FLVCR1: variants seen among roughly 807,000 people sequenced by gnomAD.
FLVCR1 encodes FLVCR choline and heme transporter 1.
Under a neutral mutation model 53.6 loss-of-function variants are expected in FLVCR1, and 34 were observed. The observed-to-expected ratio is 0.63, with a 90% CI of 0.48 to 0.84. FLVCR1 has a LOEUF of 0.84. FLVCR1 is among the 40% of genes least tolerant of loss of function. The probability of loss-of-function intolerance (pLI) is 0.00; values close to 1 mark genes in which losing one functional copy is unlikely to be tolerated. For missense variants in FLVCR1, 677 were observed against 696.7 expected (o/e 0.97, Z 0.32); for synonymous variants, 300 against 286.3 (o/e 1.05, Z -0.48).
chr1:212,882,311 GAAC>G (rs1664952367), intron 3 of FLVCR1, among the ~76,000 whole-genome samples: 1 of 152,076 alleles, frequency 6.6e-6, no homozygotes, highest in African/African-American at 2.4e-5. Context: ...GAAAACTAAT[GAAC>G]TACAACAAAA....
chr1:212,882,272 A>G (rs1433782014), intron 3 of FLVCR1, among the ~76,000 whole-genome samples: 1 of 152,218 alleles, frequency 6.6e-6, no homozygotes, highest in Non-Finnish European at 1.5e-5. Context: ...AAATTGAAGT[A>G]TATTAACATA....
At position 212,896,858 on chromosome 1, in the gene FLVCR1, A is replaced by G. The variant is rs1303944580; in HGVS notation, c.*1568A>G. On this transcript the variant is annotated 3_prime_UTR_variant, in exon 10 of 10. Coordinates refer to ENST00000366971, the MANE Select transcript of FLVCR1 (RefSeq NM_014053.4). ...CATGGTAAAACCCCATCTCTACTAA[A>G]AAAAAAAAAAAAAAAAAAAAAAAAA... 1 of 77,016 alleles carries G rather than the reference A, an allele frequency of 1.3e-5. No homozygotes were observed. The highest frequency in any genetic ancestry group is 8.4e-5 in the African/African-American group (1 of 11,878). The allele number at this position is 77,016 out of a possible 1,614,324, so 4.8% of individuals were successfully genotyped here.
rs34338474 is a variant in FLVCR1, at chr1:212,865,817, CT to C, written c.883+1961del. Among the ~76,000 whole-genome samples the C allele has an allele frequency of 8.6e-3, 1,151 of 134,286 alleles. 3 individuals are homozygous for C. Among genetic ancestry groups the C allele is most frequent in the Middle Eastern group, 0.014 (3 of 220 alleles). The allele number at this position is 134,286 out of a possible 152,430, so 88.1% of individuals were successfully genotyped here. A position where few individuals can be genotyped will look rare whatever the true frequency, so the allele number is the denominator to read the frequency against. On this transcript the variant is annotated intron_variant, in intron 2 of 9. Coordinates refer to ENST00000366971, the MANE Select transcript of FLVCR1 (RefSeq NM_014053.4). Reference sequence around the variant, plus strand: ...ATTTTTAAAGTATAGAATTCTCTCTCTTTTTTTTTTTTTATCAAGACGGAGT... The same window carrying C: ...ATTTTTAAAGTATAGAATTCTCTCTCTTTTTTTTTTTTATCAAGACGGAGT...
intron 2 of FLVCR1, among the ~76,000 whole-genome samples, chr1:212,868,104 C>A (rs1664493910): frequency 6.6e-6 from 1 of 151,536 alleles, no homozygotes; most frequent in Admixed American, 6.6e-5. Context: ...ACTTTTAATT[C>A]TTTTTTAAGA....
intron 1 of FLVCR1, among the ~76,000 whole-genome samples, chr1:212,860,310 G>T (rs1312486752): frequency 1.4e-5 from 2 of 145,564 alleles, no homozygotes; most frequent in African/African-American, 5.0e-5. Flanking sequence ...TGCATCTGCA[G>T]GTTTGGACAG....
intron 5 of FLVCR1, chr1:212,885,697 C>T (rs1023055343): frequency 8.9e-5 from 23 of 259,134 alleles, no homozygotes; most frequent in African/African-American, 2.1e-4. Context: ...ACTACAGGCA[C>T]CCGCCACCAT....
intron 3 of FLVCR1, among the ~76,000 whole-genome samples, chr1:212,873,132 G>A (rs368997327): frequency 3.9e-5 from 6 of 152,142 alleles, no homozygotes; most frequent in African/African-American, 1.4e-4. Context: ...GGTGAACATG[G>A]TGAAACCCCA....
At chr1:212,881,718 T>C (rs1269379345) in intron 3 of FLVCR1, among the ~76,000 whole-genome samples, 3 of 152,188 alleles carry the variant, frequency 2.0e-5, no homozygotes, top group Admixed American at 6.5e-5. Flanking sequence ...TAAATATGAT[T>C]ATATTAAAAT....
chr1:212,893,056 C>CTTTTT (rs147082806), intron 8 of FLVCR1, among the ~76,000 whole-genome samples: 2 of 121,368 alleles, frequency 1.6e-5, no homozygotes, highest in Non-Finnish European at 3.3e-5. Context: ...AGGGTTGCTT[C>CTTTTT]TTTTTTTTTG....
chr1:212,875,659 G>A (rs947000521), intron 3 of FLVCR1, among the ~76,000 whole-genome samples: 7 of 151,952 alleles, frequency 4.6e-5, no homozygotes, highest in African/African-American at 1.4e-4. Flanking sequence ...GGCCAATGTG[G>A]CAAAACCCCA....
At chr1:212,883,545 A>G in intron 4 of FLVCR1, 107 bp downstream of exon 4, 1 of 678,388 alleles carries the variant, frequency 1.5e-6, no homozygotes, top group East Asian at 2.7e-5. Flanking sequence ...CATTGTTGCT[A>G]TCAAATATTT....
At chr1:212,892,228 A>C (rs79676744) in intron 8 of FLVCR1, among the ~76,000 whole-genome samples, 3,486 of 152,370 alleles carry the variant, frequency 0.023, 86 homozygotes, top group Non-Finnish European at 0.032. Context: ...CAAATTTTCC[A>C]TGTAGATGAA....
chr1:212,862,344 CT>C (rs1664271155), intron 1 of FLVCR1, among the ~76,000 whole-genome samples: 2 of 152,198 alleles, frequency 1.3e-5, no homozygotes, highest in Admixed American at 6.5e-5. Flanking sequence ...GCCCCCTCCC[CT>C]AGCCTGTGGC....
chr1:212,888,076 A>AT (rs1665103069), intron 6 of FLVCR1, 75 bp downstream of exon 6: 1 of 897,512 alleles, frequency 1.1e-6, no homozygotes, highest in Non-Finnish European at 1.8e-6. Context: ...CTGGTCTTTA[A>AT]TTTTTTCAGT....
chr1:212,885,351 G>A lies in FLVCR1; in HGVS notation c.1151G>A (p.Gly384Asp), dbSNP rs2102565648. Residue 384 changes from glycine to aspartate, a missense_variant, in exon 5 of 10, where the codon GGC becomes GAC. Gly to Asp is a moderately conservative substitution (Grantham distance 94). Coordinates refer to ENST00000366971, the MANE Select transcript of FLVCR1 (RefSeq NM_014053.4). The stretch of plus-strand genomic sequence containing the variant: ...ACGCTAGTAGTAGCTGGAATGGTGG[G>A]CTCTATTCTTTGTGGCTTATGGCTG... ...GLTLVVAGMVGSILCGLWLDY... is the reference protein window; with the variant it reads ...GLTLVVAGMVDSILCGLWLDY... 2 of 1,614,030 alleles carry A rather than the reference G, an allele frequency of 1.2e-6. No homozygotes were observed. Among genetic ancestry groups the A allele is most frequent in the Admixed American group, 1.7e-5 (1 of 60,014 alleles).
intron 3 of FLVCR1, among the ~76,000 whole-genome samples, chr1:212,880,420 G>C (rs188577943): frequency 1.2e-4 from 18 of 152,328 alleles, no homozygotes; most frequent in African/African-American, 3.6e-4. Flanking sequence ...GATGCCATGA[G>C]TAAGGGATAG....
chr1:212,893,770 TTTTTG>T (rs1454793163), intron 8 of FLVCR1, among the ~76,000 whole-genome samples: 2 of 152,072 alleles, frequency 1.3e-5, no homozygotes, highest in African/African-American at 2.4e-5. Flanking sequence ...AGTAAAGTGT[TTTTTG>T]TTTTGTTTTG....
chr1:212,882,656 A>G (rs1664958536), intron 3 of FLVCR1, among the ~76,000 whole-genome samples: 1 of 152,138 alleles, frequency 6.6e-6, no homozygotes, highest in African/African-American at 2.4e-5. Context: ...TAAATAATAA[A>G]CTTAAGTTTT....
chr1:212,863,762 T>A lies in FLVCR1; in HGVS notation c.776T>A (p.Leu259Ter), dbSNP rs762203417. Residue 259 changes from leucine to a stop codon, truncating the protein, a stop_gained, in exon 2 of 10, where the codon TTA (leucine) becomes TAA (stop). Coordinates refer to ENST00000366971, the MANE Select transcript of FLVCR1 (RefSeq NM_014053.4). LOFTEE classifies it high-confidence loss of function. ...TAVGFLLPPV[L>*]VPNTQNDTNL... ...GTTGGCTTTTTGCTACCACCAGTTT[T>A]AGTACCCAACACACAGAATGACACA... 1 of 1,614,110 alleles carries A rather than the reference T, an allele frequency of 6.2e-7. No homozygotes were observed.
Sources: gnomAD v4.1 joint callset for allele counts (sites outside exome capture counted in the v4.1 genomes callset) on GRCh38, gnomAD v4.1.1 for gene constraint, MANE v1.5 for transcripts, NCBI Gene and HGNC (gene_info 2026-07-23, HGNC 2026-07-21) for gene names.